The following OSGIN1 variants were observed in gnomAD, a reference collection of about 807,000 sequenced individuals.
OSGIN1 encodes the protein oxidative stress-induced growth inhibitor 1.
Under a neutral mutation model 20.1 loss-of-function variants are expected in OSGIN1, and 19 were observed. The observed-to-expected ratio is 0.95, with a 90% CI of 0.66 to 1.39. The LOEUF (loss-of-function observed/expected upper bound fraction) is 1.39. Among genes scored for constraint, OSGIN1 ranks in the 40% most tolerant of loss-of-function variants. The pLI is 0.00. For missense variants in OSGIN1, 820 were observed against 653.0 expected (o/e 1.26, Z -2.79); for synonymous variants, 368 against 297.8 (o/e 1.24, Z -2.43).
chr16:83,965,537 C>A lies in OSGIN1; in HGVS notation c.964C>A (p.Pro322Thr), dbSNP rs770269388. ...TGCCTTCCGCCGGGCCGTGGACGACCCTGGCCTGGTGTTCAACCAGCTGCC... is the reference window on the plus strand; with the variant it reads ...TGCCTTCCGCCGGGCCGTGGACGACACTGGCCTGGTGTTCAACCAGCTGCC... ...IHAFRRAVDD[P>T]GLVFNQLPKM... The change falls in exon 6 of 6, where the codon CCT (proline) becomes ACT (threonine). Residue 322 changes from proline (P) to threonine (T), a missense_variant. Transcript: ENST00000393306. The A allele has an allele frequency of 6.2e-7, 1 of 1,612,734 alleles. No homozygotes were observed. Among genetic ancestry groups the A allele is most frequent in the Non-Finnish European group, 8.5e-7 (1 of 1,180,020 alleles).
chr16:83,965,294 A>G lies in OSGIN1; in HGVS notation c.721A>G (p.Asn241Asp). 5 of 1,600,558 alleles carry G rather than the reference A, an allele frequency of 3.1e-6. No individual in the cohort carries two copies. Among genetic ancestry groups the G allele is most frequent in the Non-Finnish European group, 4.3e-6 (5 of 1,172,788 alleles). ...AQQPFSLWAR[N>D]VVLATGTFDS... is the part of the protein sequence containing the mutation. The stretch of plus-strand genomic sequence containing the variant: ...GCAGCCCTTCTCGCTGTGGGCCCGC[A>G]ACGTGGTCCTCGCCACAGGCACGTT... The change falls in exon 6 of 6, where the codon AAC becomes GAC. Residue 241 changes from asparagine to aspartate, a missense_variant. Transcript: ENST00000393306.
Position 83,955,389 on chromosome 16 carries a change from C to T in OSGIN1, c.-33+2019C>T, listed in dbSNP as rs551120624. ...GACAGAGAAGTGGGGGACCCTGGAA[C>T]GGACACTGCACGTTCCACCCGGCAG... On this transcript the variant is annotated intron_variant, in intron 1 of 5. Coordinates refer to ENST00000393306, the MANE Select transcript of OSGIN1 (RefSeq NM_182981.3). Among the ~76,000 whole-genome samples, 32 of 152,256 alleles carry T rather than the reference C, an allele frequency of 2.1e-4. No homozygotes were observed. In the East Asian group the frequency reaches 2.1e-3, roughly 10 times the overall value.
At position 83,965,883 on chromosome 16, in the gene OSGIN1, C is replaced by T. The variant is rs745713428; in HGVS notation, c.1310C>T (p.Thr437Ile). Residue 437 changes from threonine to isoleucine, a missense_variant, in exon 6 of 6, where the codon ACC becomes ATC. Thr to Ile is a moderately conservative substitution (Grantham distance 89). Transcript: ENST00000393306. ...GTGGACCCCTTCACCTACCAGAGCACCCGCCAGGAGGGCCTGTACGCCATG... is the reference window on the plus strand; with the variant it reads ...GTGGACCCCTTCACCTACCAGAGCATCCGCCAGGAGGGCCTGTACGCCATG... ...IDVDPFTYQS[T>I]RQEGLYAMGP... 8 of 1,612,914 alleles carry T rather than the reference C, an allele frequency of 5.0e-6. No individual in the cohort carries two copies. The highest frequency in any genetic ancestry group is 2.2e-5 in the South Asian group (2 of 91,090).
chr16:83,955,392 A>C (rs1329978368), intron 1 of OSGIN1, among the ~76,000 whole-genome samples: 1 of 152,138 alleles, frequency 6.6e-6, no homozygotes, highest in Non-Finnish European at 1.5e-5. Context: ...CCTGGAACGG[A>C]CACTGCACGT....
In OSGIN1 at chr16:83,960,602, C is replaced by T. The variant is rs903968130; in HGVS notation, c.238C>T (p.Arg80Ter). ...LDYLSEGLEG[R>*]SQSPVALLFD... Reference sequence around the variant, plus strand: ...CTACCTGTCCGAAGGCCTCGAAGGCCGATCCCAAAGCCCCGTGGCCCTGCT... The same window carrying T: ...CTACCTGTCCGAAGGCCTCGAAGGCTGATCCCAAAGCCCCGTGGCCCTGCT... Residue 80 changes from arginine (R) to a stop codon, truncating the protein, a stop_gained, in exon 4 of 6, where the codon CGA (arginine) becomes TGA (stop). Coordinates refer to ENST00000393306, the MANE Select transcript of OSGIN1 (RefSeq NM_182981.3). LOFTEE classifies it high-confidence loss of function. The T allele has an allele frequency of 1.4e-5, 22 of 1,613,448 alleles. No homozygotes were observed. The highest frequency in any genetic ancestry group is 4.5e-5 in the East Asian group (2 of 44,878).
rs755303263 is a variant in OSGIN1 at position 83,965,200 on chromosome 16, C to A, written c.627C>A (p.Ser209Arg). ...TAVEWGTPDP[S>R]SCGAQDSSPL... The stretch of plus-strand genomic sequence containing the variant: ...TGGAGTGGGGGACCCCCGATCCCAG[C>A]AGCTGTGGGGCCCAGGACTCCAGCC... Residue 209 changes from serine to arginine, a missense_variant, in exon 6 of 6, where the codon AGC (serine) becomes AGA (arginine). By Grantham distance (110) the Ser-to-Arg change is moderately radical. Coordinates refer to ENST00000393306, the MANE Select transcript of OSGIN1 (RefSeq NM_182981.3). The A allele has an allele frequency of 6.2e-7, 1 of 1,613,112 alleles. No homozygotes were observed. The highest frequency in any genetic ancestry group is 1.3e-5 in the African/African-American group (1 of 74,952).
In OSGIN1 at chr16:83,965,467, C is replaced by T. The variant is rs555778252; in HGVS notation, c.894C>T (p.Ala298=). ...TCATTGGCGCGGGGCTGTCAGCGGC[C>T]GACGCGGTCCTCTACGCCCGCCACT... The part of the protein sequence containing the change: ...VLIIGAGLSA[A]DAVLYARHYN... The change falls in exon 6 of 6, where the codon GCC becomes GCT. Residue 298 remains alanine, a synonymous_variant. Transcript: ENST00000393306. 167 of 1,603,446 alleles carry T rather than the reference C, an allele frequency of 1.0e-4. 3 individuals carry two copies. The South Asian group carries it at 1.2e-3, about 11-fold the overall frequency.
chr16:83,958,408 C>G (rs1055640038), intron 2 of OSGIN1, among the ~76,000 whole-genome samples: 1 of 152,202 alleles, frequency 6.6e-6, no homozygotes, highest in East Asian at 1.9e-4. Flanking sequence ...GCTAGGTGCC[C>G]ACATGAGAGG....
At chr16:83,964,476 A>C (rs253142) in intron 5 of OSGIN1, among the ~76,000 whole-genome samples, 47,414 of 151,810 alleles carry the variant, frequency 0.31, 11,275 homozygotes, top group African/African-American at 0.67. Flanking sequence ...TCAGGATCCC[A>C]TTCCCCATCC....
chr16:83,966,142 A>G lies in OSGIN1; in HGVS notation c.*135A>G. On this transcript the variant is annotated 3_prime_UTR_variant, in exon 6 of 6. Transcript: ENST00000393306. Reference sequence around the variant, plus strand: ...GTTGCTGGCCTTTGGGGTCAAGAGGAGTAGGGATCCCAGGCTGCCCTGGAC... The same window carrying G: ...GTTGCTGGCCTTTGGGGTCAAGAGGGGTAGGGATCCCAGGCTGCCCTGGAC... The G allele has an allele frequency of 1.4e-5, 10 of 711,492 alleles. No homozygotes were observed. The highest frequency in any genetic ancestry group is 2.3e-5 in the Non-Finnish European group (10 of 440,956). 44.1% of individuals were successfully genotyped at this position (711,492 alleles called of 1,614,324 possible). A position where few individuals can be genotyped will look rare whatever the true frequency, so the allele number is the denominator to read the frequency against.
At chr16:83,953,460 G>A (rs1908784812) in intron 1 of OSGIN1, 90 bp downstream of exon 1, 2 of 1,178,930 alleles carry the variant, frequency 1.7e-6, no homozygotes, top group South Asian at 2.7e-5. Context: ...GGTCTGCAGA[G>A]CCCTGGCGCC....
At position 83,960,587 on chromosome 16, in the gene OSGIN1, G is replaced by A. The variant is rs199929269; in HGVS notation, c.223G>A (p.Glu75Lys). 36 of 1,613,220 alleles carry A rather than the reference G, an allele frequency of 2.2e-5. No homozygotes were observed. The highest frequency in any genetic ancestry group is 1.6e-4 in the Middle Eastern group (1 of 6,062). The change falls in exon 4 of 6, where the codon GAA (glutamate) becomes AAA (lysine). Residue 75 changes from glutamate (E) to lysine (K), a missense_variant. Physicochemically the swap from Glu to Lys is moderately conservative, Grantham distance 56. Transcript: ENST00000393306. ...ILDQDLDYLS[E>K]GLEGRSQSPV... ...CCTCCAGGACCTGGACTACCTGTCC[G>A]AAGGCCTCGAAGGCCGATCCCAAAG...
Position 83,965,180 on chromosome 16 carries a change from TG to T in OSGIN1, c.612del (p.Thr205ProfsTer18), listed in dbSNP as rs1336724454. 4.3e-6 allele frequency: 7 copies of T among 1,612,984 alleles called. No homozygotes were observed. Among genetic ancestry groups the T allele is most frequent in the African/African-American group, 1.3e-5 (1 of 74,854 alleles). On this transcript the variant is annotated frameshift_variant, in exon 6 of 6. Coordinates refer to ENST00000393306, the MANE Select transcript of OSGIN1 (RefSeq NM_182981.3). LOFTEE classifies it low-confidence loss of function (END_TRUNC). ...VSGAVVTAVE[W>X]GTPDPSSCGA... ...CGGTGCTGTAGTCACAGCCGTGGAG[TG>T]GGGGACCCCCGATCCCAGCAGCTGT... is the stretch of plus-strand genomic sequence containing the variant.
chr16:83,960,823 G>A, intron 4 of OSGIN1, 63 bp downstream of exon 4: 1 of 1,554,472 alleles, frequency 6.4e-7, no homozygotes, highest in East Asian at 2.3e-5. Flanking sequence ...CCCACTTGGG[G>A]CTGGGACTCT....
intron 1 of OSGIN1, 37 bp from the exon 2 acceptor site, chr16:83,957,603 C>G (rs772379591): frequency 9.2e-6 from 10 of 1,082,348 alleles, no homozygotes; most frequent in South Asian, 8.0e-5. Context: ...CAGGCCTCAC[C>G]CGAATGGACT....
At position 83,961,027 on chromosome 16, in the gene OSGIN1, G is replaced by A; in HGVS notation, c.443G>A (p.Gly148Glu). 1 of 1,613,646 alleles carries A rather than the reference G, an allele frequency of 6.2e-7. No homozygotes were observed. ...MVILSQGQWM[G>E]LPDLEVKDWM... The stretch of plus-strand genomic sequence containing the variant: ...ATCCTGAGCCAAGGCCAGTGGATGG[G>A]GCTCCCGGACCTGGAGGTCAAGGAC... Residue 148 changes from glycine (G) to glutamate (E), a missense_variant, in exon 5 of 6, where the codon GGG becomes GAG. Gly to Glu is a moderately conservative substitution (Grantham distance 98). Coordinates refer to ENST00000393306, the MANE Select transcript of OSGIN1 (RefSeq NM_182981.3).
chr16:83,955,490 C>A (rs1769596631), intron 1 of OSGIN1, among the ~76,000 whole-genome samples: 1 of 152,174 alleles, frequency 6.6e-6, no homozygotes, highest in South Asian at 2.1e-4. Context: ...GGGCTCTGAT[C>A]CAGCCCAGCC....
Position 83,965,838 on chromosome 16 carries a change from C to G in OSGIN1, c.1265C>G (p.Ala422Gly). The change falls in exon 6 of 6, where the codon GCC becomes GGC. Residue 422 changes from alanine (A) to glycine (G), a missense_variant. Physicochemically the swap from Ala to Gly is moderately conservative, Grantham distance 60 (BLOSUM62 0). Coordinates refer to ENST00000393306, the MANE Select transcript of OSGIN1 (RefSeq NM_182981.3). ...FAVDPDQPLS[A>G]KRNPIDVDPF... ...GTGGATCCTGACCAGCCGCTGAGCG[C>G]CAAGAGGAACCCCATTGACGTGGAC... The G allele has an allele frequency of 6.2e-7, 1 of 1,613,058 alleles. No individual in the cohort carries two copies. Among genetic ancestry groups the G allele is most frequent in the South Asian group, 1.1e-5 (1 of 91,084 alleles).
In OSGIN1 at chr16:83,961,309, C is replaced by G. The variant is rs544311884; in HGVS notation, c.488+237C>G. On this transcript the variant is annotated intron_variant, in intron 5 of 5. Coordinates refer to ENST00000393306, the MANE Select transcript of OSGIN1 (RefSeq NM_182981.3). ...AATATTTGTAAGAAGTACATTGGTT[C>G]GGTCTGGAAAGCTGGGCCAGCTTGA... is the stretch of plus-strand genomic sequence containing the variant. 55 of 489,636 alleles carry G rather than the reference C, an allele frequency of 1.1e-4. No homozygotes were observed. The Middle Eastern group carries it at 2.9e-3, about 26-fold the overall frequency. 30.3% of individuals were successfully genotyped at this position (489,636 alleles called of 1,614,324 possible). A position where few individuals can be genotyped will look rare whatever the true frequency, so the allele number is the denominator to read the frequency against.
Sources: allele counts gnomAD v4.1 joint callset (sites outside exome capture counted in the v4.1 genomes callset), GRCh38; gene constraint gnomAD v4.1.1; transcripts MANE v1.5; gene names NCBI Gene and HGNC (gene_info 2026-07-23, HGNC 2026-07-21).